Variants in EPS15L1 observed in about 807,000 individuals in gnomAD.
The protein encoded by EPS15L1 is epidermal growth factor receptor pathway substrate 15 like 1.
A neutral mutation model predicts 117.1 loss-of-function variants in EPS15L1; 43 were observed. The ratio of observed to expected loss-of-function variants is 0.37; its 90% CI spans 0.29 to 0.47. The LOEUF is 0.47. Among genes scored for constraint, EPS15L1 ranks in the 20% least tolerant of loss-of-function variants. The pLI is 0.99. For missense variants in EPS15L1, 981 were observed against 1,164.0 expected (o/e 0.84, Z 2.29); for synonymous variants, 459 against 470.5 (o/e 0.98, Z 0.32).
At chr19:16,464,702 T>C (rs1325216618) in intron 1 of EPS15L1, among the ~76,000 whole-genome samples, 1 of 151,336 alleles carries the variant, frequency 6.6e-6, no homozygotes, top group Non-Finnish European at 1.5e-5. Flanking sequence ...TGGGCCACAC[T>C]AGAATTGTCT....
rs779816913 is a variant in EPS15L1, at chr19:16,404,563, T to C, written c.1428+25A>G. 1 of 1,613,348 alleles carries C rather than the reference T, an allele frequency of 6.2e-7. No homozygotes were observed. Among genetic ancestry groups the C allele is most frequent in the Non-Finnish European group, 8.5e-7 (1 of 1,179,686 alleles). On this transcript the variant is annotated intron_variant, in intron 14 of 23. Coordinates refer to ENST00000455140, the MANE Select transcript of EPS15L1 (RefSeq NM_001258374.3). The surrounding 1 kb of genome is among the most constrained non-coding windows in gnomAD (Gnocchi z 4.2). ...AAGCCCCTGCCTGTGCATAGGGCGC[T>C]GCCCCGGAGGTGGCCGGGACCCACC...
At position 16,404,682 on chromosome 19, in the gene EPS15L1, G is replaced by A; in HGVS notation, c.1334C>T (p.Ala445Val). 2 of 1,614,194 alleles carry A rather than the reference G, an allele frequency of 1.2e-6. No homozygotes were observed. Among genetic ancestry groups the A allele is most frequent in the Non-Finnish European group, 8.5e-7 (1 of 1,180,032 alleles). Residue 445 changes from alanine to valine, a missense_variant, in exon 14 of 24, where the codon GCT becomes GTT. By Grantham distance (64) the Ala-to-Val change is moderately conservative. Coordinates refer to ENST00000455140, the MANE Select transcript of EPS15L1 (RefSeq NM_001258374.3). The surrounding 1 kb of genome is among the most constrained non-coding windows in gnomAD (Gnocchi z 4.2). ...LQELEAQKQD[A>V]QDRLDEMDQQ... ...GTCCATCTCGTCCAGGCGGTCTTGA[G>A]CATCCTGTTTCTGAGCCTCGAGCTC...
rs753625100 is a variant in EPS15L1 at position 16,413,886 on chromosome 19, A to G, written c.1194-41T>C. On this transcript the variant is annotated intron_variant, in intron 12 of 23. Coordinates refer to ENST00000455140, the MANE Select transcript of EPS15L1 (RefSeq NM_001258374.3). The stretch of plus-strand genomic sequence containing the variant: ...TATTTCATGAAAACAAGAGTGAATA[A>G]TAAGCCTCCACCCCTTCCCAAGGCC... The G allele has an allele frequency of 4.0e-6, 6 of 1,491,032 alleles. No homozygotes were observed. In the East Asian group the frequency reaches 1.1e-4, roughly 28 times the overall value. 92.4% of individuals were successfully genotyped at this position (1,491,032 alleles called of 1,614,324 possible).
Position 16,371,172 on chromosome 19 carries a change from TG to T in EPS15L1, c.2380+5949del, listed in dbSNP as rs35931531. 2.8e-4 allele frequency among the ~76,000 whole-genome samples: 42 copies of T among 152,110 alleles called. No individual in the cohort carries two copies. The highest frequency in any genetic ancestry group is 9.7e-4 in the African/African-American group (40 of 41,402). On this transcript the variant is annotated intron_variant, in intron 22 of 23. Transcript: ENST00000455140. The surrounding 1 kb of genome is among the most constrained non-coding windows in gnomAD (Gnocchi z 4.7). ...TTTTGGGACCCACATGGGCACATGA[TG>T]GGGAGAGGTCACTGAGCCCTGGTTT...
chr19:16,418,322 GCTGAAGAA>G (rs1476207180), intron 10 of EPS15L1, among the ~76,000 whole-genome samples: 1 of 152,184 alleles, frequency 6.6e-6, no homozygotes, highest in Admixed American at 6.5e-5. Context: ...GGCTGTCAGG[GCTGAAGAA>G]CCCCAAGCCC....
chr19:16,467,661 T>G (rs1450781779), intron 1 of EPS15L1, among the ~76,000 whole-genome samples: 1 of 152,218 alleles, frequency 6.6e-6, no homozygotes, highest in Non-Finnish European at 1.5e-5. Context: ...GCCATTAGCA[T>G]TCTACTAAGA....
At chr19:16,434,709 A>C (rs919691589) in intron 6 of EPS15L1, 5 of 459,208 alleles carry the variant, frequency 1.1e-5, no homozygotes, top group Non-Finnish European at 1.9e-5. Context: ...TCTGGGAGCC[A>C]AGGTCCTCAG....
intron 4 of EPS15L1, chr19:16,440,523 A>G (rs2093020935): frequency 5.8e-6 from 1 of 172,344 alleles, no homozygotes; most frequent in Non-Finnish European, 1.2e-5. Flanking sequence ...AGAGCTGGCA[A>G]AAGATACACA....
chr19:16,359,812 G>A (rs913649001), intron 23 of EPS15L1, among the ~76,000 whole-genome samples: 6 of 151,848 alleles, frequency 4.0e-5, no homozygotes, highest in Non-Finnish European at 7.4e-5. Flanking sequence ...CAGTGAAGCT[G>A]TGACTGCACC....
chr19:16,409,356 A>C (rs1240137730), intron 13 of EPS15L1, among the ~76,000 whole-genome samples: 1 of 152,250 alleles, frequency 6.6e-6, no homozygotes, highest in Non-Finnish European at 1.5e-5. Context: ...GAAATGGATC[A>C]AAGACCTACA....
intron 19 of EPS15L1, among the ~76,000 whole-genome samples, chr19:16,391,245 A>G (rs1299543093): frequency 6.6e-6 from 1 of 152,206 alleles, no homozygotes; most frequent in Non-Finnish European, 1.5e-5. Flanking sequence ...GAGAAAATCA[A>G]TGAAATAGAA....
chr19:16,412,889 A>G, intron 13 of EPS15L1: 1 of 617,658 alleles, frequency 1.6e-6, no homozygotes, highest in South Asian at 1.5e-5. Context: ...CCCATCACCA[A>G]GCTGGGCCGC....
chr19:16,434,561 C>G (rs892460511), intron 6 of EPS15L1, 71 bp from the exon 7 acceptor site: 2 of 1,530,922 alleles, frequency 1.3e-6, no homozygotes, highest in African/African-American at 1.4e-5. Context: ...GAGCTCTGAC[C>G]GAAAGCCAAG....
chr19:16,451,822 C>T (rs1401864843), intron 1 of EPS15L1, among the ~76,000 whole-genome samples: 1 of 149,910 alleles, frequency 6.7e-6, no homozygotes, highest in Non-Finnish European at 1.5e-5. Flanking sequence ...AGCCACCGCG[C>T]CTGGCCTACA....
At chr19:16,391,435 C>A (rs904180817) in intron 19 of EPS15L1, among the ~76,000 whole-genome samples, 1 of 152,162 alleles carries the variant, frequency 6.6e-6, no homozygotes, top group East Asian at 1.9e-4. Flanking sequence ...GAGCTTCAAG[C>A]GCTAAAGACC....
intron 1 of EPS15L1, among the ~76,000 whole-genome samples, chr19:16,469,493 G>C (rs2093330372): frequency 5.3e-5 from 8 of 151,966 alleles, no homozygotes; most frequent in Admixed American, 5.3e-4. Context: ...CAGGGGGACA[G>C]GGAGACACAC....
Position 16,428,692 on chromosome 19 carries a change from C to T in EPS15L1, c.558+10G>A. ...CCTGGGCTGGGTGGGGAGGAAACAG[C>T]AGGACTTACCACAGCGAACTCATCT... On this transcript the variant is annotated intron_variant, in intron 8 of 23. Coordinates refer to ENST00000455140, the MANE Select transcript of EPS15L1 (RefSeq NM_001258374.3). 1 of 1,610,082 alleles carries T rather than the reference C, an allele frequency of 6.2e-7. No homozygotes were observed.
chr19:16,417,711 C>G (rs543884284), intron 11 of EPS15L1, 74 bp from the exon 12 acceptor site: 1 of 1,340,008 alleles, frequency 7.5e-7, no homozygotes, highest in Non-Finnish European at 1.1e-6. Context: ...CAGCAGTTCT[C>G]GGGCCCAGGG....
chr19:16,402,967 T>C (rs529247260), intron 15 of EPS15L1, among the ~76,000 whole-genome samples: 6 of 152,148 alleles, frequency 3.9e-5, no homozygotes, highest in Non-Finnish European at 8.8e-5. Flanking sequence ...CCTACAGATA[T>C]TAACCATAAA....
Sources: allele counts gnomAD v4.1 joint callset (sites outside exome capture counted in the v4.1 genomes callset), GRCh38; gene constraint gnomAD v4.1.1; non-coding constraint Gnocchi (gnomAD v3.1); transcripts MANE v1.5; gene names NCBI Gene and HGNC (gene_info 2026-07-23, HGNC 2026-07-21).